Variants in AIDA observed in about 807,000 individuals in gnomAD.
The protein encoded by AIDA is axin interactor, dorsalization-associated protein.
Under a neutral mutation model 42.7 loss-of-function variants are expected in AIDA, and 18 were observed. That is an observed-to-expected ratio of 0.42 (90% CI 0.29 to 0.63). The LOEUF is 0.63. Ranked by LOEUF, AIDA falls within the 20% of genes least tolerant of loss-of-function variation. AIDA has a pLI of 0.19. For missense variants in AIDA, 250 were observed against 354.1 expected (o/e 0.71, Z 2.36); for synonymous variants, 104 against 122.9 (o/e 0.85, Z 1.02).
chr1:222,702,370 C>T (rs116100597), intron 2 of AIDA, among the ~76,000 whole-genome samples: 1,934 of 152,150 alleles, frequency 0.013, 14 homozygotes, highest in Middle Eastern at 0.041. Context: ...GGGGAATAGA[C>T]TGACACTTTT....
In AIDA at chr1:222,710,865, A is replaced by G. The variant is rs1260658714; in HGVS notation, c.110+1343T>C. On this transcript the variant is annotated intron_variant, in intron 1 of 9. Coordinates refer to ENST00000340020, the MANE Select transcript of AIDA (RefSeq NM_022831.4). ...TTGCAAGAGCAAATGAAATCATGTG[A>G]AAGTGCAAAACAAATGCTAGTAGTT... Among the ~76,000 whole-genome samples, 7 of 152,372 alleles carry G rather than the reference A, an allele frequency of 4.6e-5. No individual in the cohort carries two copies. In the South Asian group the frequency reaches 1.0e-3, roughly 23 times the overall value.
At chr1:222,690,829 C>A (rs1655350794) in intron 4 of AIDA, among the ~76,000 whole-genome samples, 1 of 152,014 alleles carries the variant, frequency 6.6e-6, no homozygotes. Flanking sequence ...AGGCTGGTGT[C>A]TAGATTCTCA....
intron 1 of AIDA, among the ~76,000 whole-genome samples, chr1:222,709,545 G>C (rs1275745226): frequency 6.6e-6 from 1 of 152,176 alleles, no homozygotes; most frequent in African/African-American, 2.4e-5. Flanking sequence ...AACTGAGATA[G>C]AGGCAGTGGG....
rs199550779 is a variant in AIDA, at chr1:222,703,246, T to C, written c.111-29A>G. 38 of 1,565,190 alleles carry C rather than the reference T, an allele frequency of 2.4e-5. No individual in the cohort carries two copies. In the African/African-American group the frequency reaches 4.8e-4, roughly 20 times the overall value. On this transcript the variant is annotated intron_variant, in intron 1 of 9. Coordinates refer to ENST00000340020, the MANE Select transcript of AIDA (RefSeq NM_022831.4). ...TAAGAAGAAAACATATTCTTTAGAA[T>C]GGAAGAAAAGCAAACTACTGCAACA...
intron 2 of AIDA, 93 bp from the exon 3 acceptor site, chr1:222,694,356 A>G: frequency 9.2e-7 from 1 of 1,081,266 alleles, no homozygotes; most frequent in Non-Finnish European, 1.4e-6. Flanking sequence ...AAGATCCATA[A>G]TTCTCTTAAG....
Position 222,704,774 on chromosome 1 carries a change from C to T in AIDA, c.111-1557G>A, listed in dbSNP as rs563910654. Among the ~76,000 whole-genome samples the T allele has an allele frequency of 3.8e-4, 58 of 152,124 alleles. 1 individual carries two copies. Among genetic ancestry groups the T allele is most frequent in the African/African-American group, 1.2e-3 (48 of 41,490 alleles). ...ATACACTAAAAACCATGGAATTGTA[C>T]GCTTTAAACTGGTAAGTTTCATGTG... On this transcript the variant is annotated intron_variant, in intron 1 of 9. Transcript: ENST00000340020.
In AIDA at chr1:222,669,880, C is replaced by G. The variant is rs752280617; in HGVS notation, c.*13G>C. On this transcript the variant is annotated 3_prime_UTR_variant, in exon 10 of 10. Transcript: ENST00000340020. ...GTAAAATTCACAGAAGTTCCAGGTT[C>G]ATCATGTCAGGATCATTCCTTGTGC... The G allele has an allele frequency of 2.1e-5, 34 of 1,606,126 alleles. No homozygotes were observed. Among genetic ancestry groups the G allele is most frequent in the Non-Finnish European group, 2.9e-5 (34 of 1,176,132 alleles).
At chr1:222,708,525 G>A (rs1349521409) in intron 1 of AIDA, among the ~76,000 whole-genome samples, 1 of 151,624 alleles carries the variant, frequency 6.6e-6, no homozygotes, top group African/African-American at 2.4e-5. Flanking sequence ...ACGCCACCAC[G>A]CCCGGCTAAT....
At chr1:222,704,949 A>G (rs1655801344) in intron 1 of AIDA, among the ~76,000 whole-genome samples, 1 of 152,222 alleles carries the variant, frequency 6.6e-6, no homozygotes, top group Non-Finnish European at 1.5e-5. Flanking sequence ...TTTTCTACCA[A>G]GCCAACTGCA....
intron 8 of AIDA, 108 bp from the exon 9 acceptor site, chr1:222,670,358 T>C (rs1473273335): frequency 5.9e-6 from 5 of 843,346 alleles, no homozygotes; most frequent in Non-Finnish European, 9.4e-6. Flanking sequence ...CTGGCATAAT[T>C]TGACAAAACA....
chr1:222,686,093 G>A (rs748497460), intron 6 of AIDA, among the ~76,000 whole-genome samples: 34 of 152,156 alleles, frequency 2.2e-4, no homozygotes, highest in Admixed American at 3.9e-4. Context: ...CCTGGGAGGC[G>A]GAGTTTGCAG....
rs576123870 is a variant in AIDA at position 222,703,273 on chromosome 1, AG to A, written c.111-57del. 9,255 of 1,334,596 alleles carry A rather than the reference AG, an allele frequency of 6.9e-3. 55 individuals are homozygous for A. The highest frequency in any genetic ancestry group is 8.9e-3 in the Non-Finnish European group (8,486 of 953,980). 82.7% of individuals were successfully genotyped at this position (1,334,596 alleles called of 1,614,324 possible). ...GAAGAAAAGCAAACTACTGCAACAA[AG>A]TGTAACAATTTAAAGCTTTTTAACA... On this transcript the variant is annotated intron_variant, in intron 1 of 9. Coordinates refer to ENST00000340020, the MANE Select transcript of AIDA (RefSeq NM_022831.4).
chr1:222,704,450 A>G (rs905960469), intron 1 of AIDA, among the ~76,000 whole-genome samples: 1 of 152,254 alleles, frequency 6.6e-6, no homozygotes, highest in African/African-American at 2.4e-5. Flanking sequence ...TGGTATATCC[A>G]TTCAATGGAA....
At chr1:222,689,520 T>TATACATATATAC in intron 4 of AIDA, among the ~76,000 whole-genome samples, 1 of 58,112 alleles carries the variant, frequency 1.7e-5, no homozygotes, top group East Asian at 4.4e-4. Flanking sequence ...TATATATATA[T>TATACATATATAC]ACACACATAC....
intron 1 of AIDA, among the ~76,000 whole-genome samples, chr1:222,704,879 A>G (rs1655798849): frequency 6.6e-6 from 1 of 152,230 alleles, no homozygotes; most frequent in Non-Finnish European, 1.5e-5. Context: ...TCCCAAGCAT[A>G]TTATGTACTA....
chr1:222,682,643 C>T (rs1664674232), intron 6 of AIDA, among the ~76,000 whole-genome samples: 1 of 152,106 alleles, frequency 6.6e-6, no homozygotes, highest in Non-Finnish European at 1.5e-5. Flanking sequence ...TTTAACTTAT[C>T]ATACTTGTAA....
intron 1 of AIDA, among the ~76,000 whole-genome samples, chr1:222,711,000 A>AG (rs539120431): frequency 1.3e-5 from 2 of 152,002 alleles, no homozygotes; most frequent in South Asian, 4.2e-4. Flanking sequence ...ATAGATAAAA[A>AG]CAAATAACTA....
At chr1:222,710,241 A>C (rs777514286) in intron 1 of AIDA, among the ~76,000 whole-genome samples, 1 of 152,228 alleles carries the variant, frequency 6.6e-6, no homozygotes, top group Non-Finnish European at 1.5e-5. Flanking sequence ...TGTTTACAGA[A>C]TTTAAGCCAA....
chr1:222,677,780 C>A (rs993255751), intron 6 of AIDA, among the ~76,000 whole-genome samples: 14 of 151,866 alleles, frequency 9.2e-5, no homozygotes, highest in Non-Finnish European at 1.9e-4. Context: ...TGGAGATTTT[C>A]CTAATTATTT....
Sources: allele counts gnomAD v4.1 joint callset (sites outside exome capture counted in the v4.1 genomes callset), GRCh38; gene constraint gnomAD v4.1.1; transcripts MANE v1.5; gene names NCBI Gene and HGNC (gene_info 2026-07-23, HGNC 2026-07-21).